Variants in CRADD observed in about 807,000 individuals in gnomAD.
CRADD encodes death domain-containing protein CRADD.
CRADD carries 9 observed loss-of-function variants against 15.5 expected under a neutral mutation model. The observed-to-expected ratio is 0.58, with a 90% confidence interval of 0.35 to 1.01. The LOEUF is 1.01. Ranked by LOEUF, CRADD falls within the 50% of genes least tolerant of loss-of-function variation. The pLI, the probability that CRADD is intolerant of heterozygous loss-of-function variation, is 0.02. For missense variants in CRADD, 227 were observed against 250.3 expected (o/e 0.91, Z 0.63); for synonymous variants, 118 against 107.6 (o/e 1.10, Z -0.60).
intron 2 of CRADD, among the ~76,000 whole-genome samples, chr12:93,870,048 A>C (rs1958404901): frequency 6.6e-6 from 1 of 152,234 alleles, no homozygotes; most frequent in Non-Finnish European, 1.5e-5. Flanking sequence ...GCCCAATAAA[A>C]GACACATTTA....
At position 93,879,696 on chromosome 12, in the gene CRADD, TAAC is replaced by T. The variant is rs892697255; in HGVS notation, c.299-14353_299-14351del. On this transcript the variant is annotated intron_variant, in intron 2 of 2. Coordinates refer to the CRADD transcript ENST00000548483. The stretch of plus-strand genomic sequence containing the variant: ...CTTTCCTTAATTAACAGTTCAATAA[TAAC>T]TGGAGCAATGCTCTACTTTTCTCTC... Among the ~76,000 whole-genome samples the T allele has an allele frequency of 1.5e-4, 23 of 152,182 alleles. 1 individual carries two copies. The highest frequency in any genetic ancestry group is 3.2e-4 in the Non-Finnish European group (22 of 68,030).
At chr12:93,858,025 C>T (rs900071289) in intron 2 of CRADD, among the ~76,000 whole-genome samples, 2 of 152,230 alleles carry the variant, frequency 1.3e-5, no homozygotes, top group African/African-American at 4.8e-5. Context: ...TTATTCCCTG[C>T]TCTGAAACTG....
At chr12:93,811,297 T>C (rs577982655) in intron 2 of CRADD, among the ~76,000 whole-genome samples, 1 of 152,264 alleles carries the variant, frequency 6.6e-6, no homozygotes, top group South Asian at 2.1e-4. Context: ...TCCCCAGAAC[T>C]GGGGCAGAGG....
intron 2 of CRADD, among the ~76,000 whole-genome samples, chr12:93,742,549 A>C (rs1290859833): frequency 6.6e-6 from 1 of 152,034 alleles, no homozygotes; most frequent in East Asian, 1.9e-4. Context: ...AATTTGGCTC[A>C]AGTGAAAGGT....
intron 2 of CRADD, among the ~76,000 whole-genome samples, chr12:93,681,906 T>G (rs910306675): frequency 6.6e-6 from 1 of 152,150 alleles, no homozygotes; most frequent in African/African-American, 2.4e-5. Context: ...TAGAGAGAGA[T>G]ATATATGTTT....
chr12:93,893,489 G>C (rs948165232), intron 2 of CRADD, among the ~76,000 whole-genome samples: 1 of 152,026 alleles, frequency 6.6e-6, no homozygotes, highest in Non-Finnish European at 1.5e-5. Flanking sequence ...ATTCTTGTTA[G>C]AAGTCAGAAG....
chr12:93,834,529 C>G (rs1396544015), intron 2 of CRADD, among the ~76,000 whole-genome samples: 2 of 151,626 alleles, frequency 1.3e-5, no homozygotes, highest in African/African-American at 4.8e-5. Flanking sequence ...GCTTTTGTTA[C>G]CCAGGCTGGA....
chr12:93,815,814 A>C (rs1957690470), intron 2 of CRADD: 1 of 152,230 alleles, frequency 6.6e-6, no homozygotes, highest in African/African-American at 2.4e-5. Flanking sequence ...GGGAGAATGA[A>C]ACTACCAAGC....
chr12:93,757,212 A>C (rs1956900828), intron 2 of CRADD, among the ~76,000 whole-genome samples: 1 of 152,240 alleles, frequency 6.6e-6, no homozygotes, highest in Non-Finnish European at 1.5e-5. Flanking sequence ...TAGTACACTT[A>C]GAGTCTACTC....
chr12:93,852,968 C>A (rs1404525342), downstream of CRADD, among the ~76,000 whole-genome samples: 5 of 151,744 alleles, frequency 3.3e-5, no homozygotes, highest in East Asian at 1.9e-4. Flanking sequence ...TGAAAAAAAA[C>A]ACAATAAGAT....
chr12:93,747,724 C>T (rs60773117), intron 2 of CRADD, among the ~76,000 whole-genome samples: 16,487 of 152,154 alleles, frequency 0.11, 2,167 homozygotes, highest in African/African-American at 0.31. Context: ...CCTTGGCCTT[C>T]CAAGGTGCTA....
chr12:93,747,975 C>A (rs1197707975), intron 2 of CRADD, among the ~76,000 whole-genome samples: 1 of 151,588 alleles, frequency 6.6e-6, no homozygotes, highest in Non-Finnish European at 1.5e-5. Context: ...GTTTGCTCAG[C>A]TTGTAAAGTG....
At chr12:93,818,952 C>A (rs576472482) in intron 2 of CRADD, among the ~76,000 whole-genome samples, 47 of 152,358 alleles carry the variant, frequency 3.1e-4, no homozygotes, top group African/African-American at 1.1e-3. Context: ...GATCTAGAGA[C>A]CGCACTGGCG....
At chr12:93,732,036 T>G (rs1284110309) in intron 2 of CRADD, among the ~76,000 whole-genome samples, 1 of 151,430 alleles carries the variant, frequency 6.6e-6, no homozygotes, top group Non-Finnish European at 1.5e-5. Flanking sequence ...CTTGGGAGGC[T>G]GAGGCAGGAG....
intron 2 of CRADD, among the ~76,000 whole-genome samples, chr12:93,798,394 T>G (rs1957443496): frequency 6.6e-6 from 1 of 152,164 alleles, no homozygotes; most frequent in Non-Finnish European, 1.5e-5. Flanking sequence ...TAAGACTGAT[T>G]GAGTCATAAT....
chr12:93,814,331 T>G (rs892682070), intron 2 of CRADD, among the ~76,000 whole-genome samples: 2 of 151,518 alleles, frequency 1.3e-5, no homozygotes, highest in Non-Finnish European at 2.9e-5. Flanking sequence ...GCGGGGGAGG[T>G]GGAGAGGAGC....
chr12:93,875,232 G>C (rs990325289), intron 2 of CRADD, among the ~76,000 whole-genome samples: 14 of 148,582 alleles, frequency 9.4e-5, no homozygotes, highest in African/African-American at 3.4e-4. Context: ...TGGCACTATA[G>C]CAACTCCTGC....
intron 2 of CRADD, among the ~76,000 whole-genome samples, chr12:93,783,481 G>A (rs1448081670): frequency 6.6e-6 from 1 of 151,998 alleles, no homozygotes; most frequent in Non-Finnish European, 1.5e-5. Flanking sequence ...GATAGATCAA[G>A]TGGAGTAGCA....
intron 2 of CRADD, among the ~76,000 whole-genome samples, chr12:93,845,003 C>T (rs1478735076): frequency 6.6e-6 from 1 of 152,100 alleles, no homozygotes; most frequent in Non-Finnish European, 1.5e-5. Context: ...AAAAACAAAA[C>T]CCTTGGCAGA....
Sources: gnomAD v4.1 joint callset for allele counts (sites outside exome capture counted in the v4.1 genomes callset) on GRCh38, gnomAD v4.1.1 for gene constraint, MANE v1.5 for transcripts, NCBI Gene and HGNC (gene_info 2026-07-23, HGNC 2026-07-21) for gene names.